KCNAB1: variants seen among roughly 807,000 people sequenced by gnomAD.
KCNAB1 encodes the protein potassium voltage-gated channel subfamily A regulatory beta subunit 1, also known as voltage-gated potassium channel subunit beta-1.
A neutral mutation model predicts 64.6 loss-of-function variants in KCNAB1; 35 were observed. The observed-to-expected ratio is 0.54, with a 90% confidence interval of 0.41 to 0.72. The LOEUF (loss-of-function observed/expected upper bound fraction) is 0.72, where lower values mean the gene tolerates loss of function less well. KCNAB1 is among the 30% of genes least tolerant of loss of function. The probability of loss-of-function intolerance (pLI) is 0.00; values close to 1 mark genes in which losing one functional copy is unlikely to be tolerated. For missense variants in KCNAB1, 401 were observed against 512.9 expected (o/e 0.78, Z 2.11); for synonymous variants, 177 against 183.8 (o/e 0.96, Z 0.30).
intron 2 of KCNAB1, among the ~76,000 whole-genome samples, chr3:156,430,609 A>T (rs1716138450): frequency 6.6e-6 from 1 of 152,164 alleles, no homozygotes; most frequent in South Asian, 2.1e-4. Flanking sequence ...AGGGTCAGGG[A>T]GAGGCGATAT....
chr3:156,133,579 G>A (rs1714123209), intron 1 of KCNAB1, among the ~76,000 whole-genome samples: 1 of 152,218 alleles, frequency 6.6e-6, no homozygotes, highest in African/African-American at 2.4e-5. Context: ...TGAGGATACA[G>A]GGATGCAGAG....
intron 8 of KCNAB1, among the ~76,000 whole-genome samples, chr3:156,493,103 A>G (rs1715750828): frequency 6.6e-6 from 1 of 152,142 alleles, no homozygotes; most frequent in Non-Finnish European, 1.5e-5. Context: ...AAGTCTAGAC[A>G]CAGTCCTTAG....
intron 1 of KCNAB1, among the ~76,000 whole-genome samples, chr3:156,228,282 G>A (rs1268522527): frequency 6.6e-6 from 1 of 152,008 alleles, no homozygotes. Flanking sequence ...GTTAGGAGGT[G>A]GGATGAAAGC....
intron 2 of KCNAB1, among the ~76,000 whole-genome samples, chr3:156,436,505 A>G (rs112638189): frequency 0.036 from 5,407 of 152,266 alleles, 324 homozygotes; most frequent in African/African-American, 0.12. Flanking sequence ...GTCTTCCTCA[A>G]TGGTTGAACT....
At chr3:156,462,769 T>C (rs902565726) in intron 5 of KCNAB1, among the ~76,000 whole-genome samples, 3 of 152,198 alleles carry the variant, frequency 2.0e-5, no homozygotes, top group Admixed American at 6.5e-5. Flanking sequence ...GGCCTTAACC[T>C]TTGAATCTCA....
intron 1 of KCNAB1, among the ~76,000 whole-genome samples, chr3:156,275,976 G>T (rs573246754): frequency 6.6e-6 from 1 of 151,746 alleles, no homozygotes; most frequent in African/African-American, 2.4e-5. Flanking sequence ...TTTTCAAGAA[G>T]GTTTTAAGTT....
intron 7 of KCNAB1, among the ~76,000 whole-genome samples, chr3:156,471,175 A>G (rs929588666): frequency 2.6e-5 from 4 of 152,204 alleles, no homozygotes; most frequent in Non-Finnish European, 5.9e-5. Flanking sequence ...CCTTGCTTCC[A>G]CACAGTCAAA....
At chr3:156,139,378 GTT>G (rs1220206144) in intron 1 of KCNAB1, among the ~76,000 whole-genome samples, 5 of 152,214 alleles carry the variant, frequency 3.3e-5, no homozygotes, top group Admixed American at 2.6e-4. Flanking sequence ...CATGCCCCAT[GTT>G]TTAGAAACTG....
intron 1 of KCNAB1, among the ~76,000 whole-genome samples, chr3:156,330,334 A>C (rs962708744): frequency 6.6e-6 from 1 of 152,120 alleles, no homozygotes; most frequent in Non-Finnish European, 1.5e-5. Flanking sequence ...AAGAAAAATC[A>C]GAGCAGCATC....
chr3:156,371,789 G>A (rs1726324318), intron 1 of KCNAB1, among the ~76,000 whole-genome samples: 1 of 152,070 alleles, frequency 6.6e-6, no homozygotes, highest in Non-Finnish European at 1.5e-5. Flanking sequence ...GAATTACAAT[G>A]GTCAGTCTAA....
chr3:156,277,531 A>G (rs569124288), intron 1 of KCNAB1, among the ~76,000 whole-genome samples: 11 of 152,188 alleles, frequency 7.2e-5, no homozygotes, highest in Admixed American at 1.3e-4. Flanking sequence ...TTCACTTAGC[A>G]TAGTGTCCTC....
chr3:156,213,155 G>A (rs1318326611), intron 1 of KCNAB1, among the ~76,000 whole-genome samples: 1 of 151,934 alleles, frequency 6.6e-6, no homozygotes, highest in Non-Finnish European at 1.5e-5. Context: ...TCTGTTAGAA[G>A]TGCCAGTATT....
intron 1 of KCNAB1, among the ~76,000 whole-genome samples, chr3:156,308,237 C>A (rs927584094): frequency 6.6e-6 from 1 of 152,158 alleles, no homozygotes; most frequent in African/African-American, 2.4e-5. Flanking sequence ...GGCCTGAGTG[C>A]ACATCTGAGG....
chr3:156,295,066 AAAAC>A (rs1376012930), intron 1 of KCNAB1, among the ~76,000 whole-genome samples: 8 of 152,226 alleles, frequency 5.3e-5, no homozygotes, highest in Non-Finnish European at 7.3e-5. Context: ...CATAAATAAC[AAAAC>A]AAACAAACAA....
At chr3:156,283,754 G>A (rs1330376546) in intron 1 of KCNAB1, among the ~76,000 whole-genome samples, 5 of 151,764 alleles carry the variant, frequency 3.3e-5, no homozygotes, top group Admixed American at 6.6e-5. Context: ...CCAGTTGATC[G>A]CATTGGCTCC....
chr3:156,426,106 C>G (rs889482298), intron 2 of KCNAB1, among the ~76,000 whole-genome samples: 1 of 152,046 alleles, frequency 6.6e-6, no homozygotes, highest in Non-Finnish European at 1.5e-5. Flanking sequence ...TTATAAGAAC[C>G]CTTGTTTGCC....
intron 1 of KCNAB1, among the ~76,000 whole-genome samples, chr3:156,349,725 A>C (rs1307152125): frequency 6.6e-6 from 1 of 152,020 alleles, no homozygotes; most frequent in Admixed American, 6.6e-5. Context: ...TAAACCCAGC[A>C]AAGTTTTTTT....
chr3:156,241,627 C>G (rs529422993), intron 1 of KCNAB1, among the ~76,000 whole-genome samples: 3 of 152,240 alleles, frequency 2.0e-5, no homozygotes, highest in East Asian at 3.9e-4. Flanking sequence ...TGCTGCTCCC[C>G]CTGGGGCTGC....
intron 1 of KCNAB1, among the ~76,000 whole-genome samples, chr3:156,236,953 G>T (rs1475245146): frequency 6.6e-6 from 1 of 152,098 alleles, no homozygotes; most frequent in East Asian, 1.9e-4. Context: ...CTAGTAAAAG[G>T]CTGAGTTAAA....
Sources: allele counts gnomAD v4.1 joint callset (sites outside exome capture counted in the v4.1 genomes callset), GRCh38; gene constraint gnomAD v4.1.1; transcripts MANE v1.5; gene names NCBI Gene and HGNC (gene_info 2026-07-23, HGNC 2026-07-21).